Variants in RILPL1 observed in about 807,000 individuals in gnomAD.
RILPL1 encodes Rab interacting lysosomal protein like 1.
A neutral mutation model predicts 50.3 loss-of-function variants in RILPL1; 33 were observed. That is an observed-to-expected ratio of 0.66 (90% CI 0.50 to 0.88). The LOEUF (loss-of-function observed/expected upper bound fraction) is 0.88. Among genes scored for constraint, RILPL1 ranks in the 40% least tolerant of loss-of-function variants. RILPL1 has a pLI of 0.00. For synonymous variants in RILPL1, 205 were observed against 228.6 expected (o/e 0.90, Z 0.93); for missense variants, 418 against 542.5 (o/e 0.77, Z 2.28).
At chr12:123,511,476 TG>T (rs1329045439) in intron 2 of RILPL1, among the ~76,000 whole-genome samples, 1 of 120,546 alleles carries the variant, frequency 8.3e-6, no homozygotes, top group African/African-American at 3.6e-5. Context: ...TCTGTGTGTG[TG>T]GTGTGTGAGG....
At chr12:123,527,490 A>G (rs1283790761) in intron 1 of RILPL1, among the ~76,000 whole-genome samples, 2 of 152,142 alleles carry the variant, frequency 1.3e-5, no homozygotes, top group African/African-American at 2.4e-5. Context: ...TACAAAAATT[A>G]GCTGGGCATG....
At chr12:123,500,537 G>A (rs547472269) in intron 2 of RILPL1, among the ~76,000 whole-genome samples, 5 of 151,222 alleles carry the variant, frequency 3.3e-5, no homozygotes, top group Admixed American at 1.3e-4. Context: ...CGCCCACCTC[G>A]GCCTCCCGAA....
intron 4 of RILPL1, among the ~76,000 whole-genome samples, chr12:123,495,906 C>T (rs910906957): frequency 2.0e-5 from 3 of 151,972 alleles, no homozygotes; most frequent in African/African-American, 4.8e-5. Context: ...GTCTTGAACT[C>T]CTGAGCTCAG....
rs370909448 is a variant in RILPL1 at position 123,475,655 on chromosome 12, G to C, written c.1068-2973C>G. On this transcript the variant is annotated intron_variant, in intron 6 of 6. Coordinates refer to ENST00000376874, the MANE Select transcript of RILPL1 (RefSeq NM_178314.5). ...TCAAACAAAACCCAAAACACACACA[G>C]TGCCTACAAGGGAAACAAGTCGTCG... 2.6e-4 allele frequency: 408 copies of C among 1,570,002 alleles called. 4 individuals are homozygous for C. In the South Asian group the frequency reaches 4.1e-3, roughly 16 times the overall value.
At chr12:123,479,815 GC>G (rs1267442813) in intron 6 of RILPL1, among the ~76,000 whole-genome samples, 1 of 152,200 alleles carries the variant, frequency 6.6e-6, no homozygotes, top group African/African-American at 2.4e-5. Context: ...GCAACCAGAA[GC>G]CAACCTAAGT....
intron 6 of RILPL1, among the ~76,000 whole-genome samples, chr12:123,480,158 C>CTT (rs957649286): frequency 3.7e-4 from 43 of 117,004 alleles, no homozygotes; most frequent in East Asian, 3.2e-3. Context: ...AAGGCTGATT[C>CTT]TTTTTTTTTT....
intron 2 of RILPL1, among the ~76,000 whole-genome samples, chr12:123,511,605 G>C (rs1884218633): frequency 7.5e-6 from 1 of 132,956 alleles, no homozygotes; most frequent in South Asian, 2.7e-4. Flanking sequence ...TGTGTGTGTG[G>C]TGTGTGTGAG....
chr12:123,499,334 G>A, intron 3 of RILPL1, 84 bp downstream of exon 3: 1 of 883,348 alleles, frequency 1.1e-6, no homozygotes, highest in Non-Finnish European at 1.9e-6. Flanking sequence ...AGGGAGAGAA[G>A]GGGCCTGCTG....
chr12:123,515,286 CTTTTA>C (rs1445882728), intron 2 of RILPL1: 1 of 151,902 alleles, frequency 6.6e-6, no homozygotes, highest in Non-Finnish European at 1.5e-5. Context: ...AGCACAATTT[CTTTTA>C]TTTTGAAAAC....
intron 6 of RILPL1, among the ~76,000 whole-genome samples, chr12:123,477,483 C>T (rs1185733224): frequency 2.6e-5 from 4 of 151,886 alleles, no homozygotes; most frequent in African/African-American, 7.3e-5. Flanking sequence ...GGACTACAGG[C>T]GTGCACCACC....
At position 123,489,311 on chromosome 12, in the gene RILPL1, C is replaced by T. The variant is rs967110982; in HGVS notation, c.802-3506G>A. Among the ~76,000 whole-genome samples the T allele has an allele frequency of 7.9e-5, 12 of 152,134 alleles. No individual in the cohort carries two copies. Among genetic ancestry groups the T allele is most frequent in the African/African-American group, 2.9e-4 (12 of 41,426 alleles). On this transcript the variant is annotated intron_variant, in intron 4 of 6. Coordinates refer to ENST00000376874, the MANE Select transcript of RILPL1 (RefSeq NM_178314.5). This position sits in a 1 kb window ranked among gnomAD's most constrained non-coding sequence, Gnocchi z 4.0. Reference sequence around the variant, plus strand: ...CTGAGGCAGGCGGATCACCTGAAGTCAGGAGTTCGAGACCAGCCTGGACAA... The same window carrying T: ...CTGAGGCAGGCGGATCACCTGAAGTTAGGAGTTCGAGACCAGCCTGGACAA...
Position 123,485,642 on chromosome 12 carries a change from T to C in RILPL1, c.965A>G (p.Tyr322Cys). ...KVFLLQEELAYYKSEEMEEEN... is the reference protein window; with the variant it reads ...KVFLLQEELACYKSEEMEEEN... ...CCCCAGGGACACTTGCCTCTTATAG[T>C]AAGCCAGCTCCTCCTGCAGCAAGAA... The change falls in exon 5 of 7, where the codon TAC (tyrosine) becomes TGC (cysteine). Residue 322 changes from tyrosine to cysteine, a missense_variant. Physicochemically the swap from Tyr to Cys is radical, Grantham distance 194. Coordinates refer to ENST00000376874, the MANE Select transcript of RILPL1 (RefSeq NM_178314.5). The surrounding 1 kb of genome is among the most constrained non-coding windows in gnomAD (Gnocchi z 4.0). 2 of 1,613,666 alleles carry C rather than the reference T, an allele frequency of 1.2e-6. No individual in the cohort carries two copies. The highest frequency in any genetic ancestry group is 2.2e-5 in the South Asian group (2 of 91,052).
chr12:123,511,139 TGTGGTGTGTGTGA>T (rs1884138445), intron 2 of RILPL1, among the ~76,000 whole-genome samples: 1 of 135,776 alleles, frequency 7.4e-6, no homozygotes, highest in African/African-American at 2.8e-5. Context: ...TATGTGTGTG[TGTGGTGTGTGTGA>T]GGTCTGTGTG....
chr12:123,529,522 C>A (rs888547369), intron 1 of RILPL1, among the ~76,000 whole-genome samples: 1 of 152,046 alleles, frequency 6.6e-6, no homozygotes, highest in Non-Finnish European at 1.5e-5. Flanking sequence ...AGTGATCCAG[C>A]TGCCTCGGCC....
intron 6 of RILPL1, chr12:123,475,833 AAGG>A: frequency 2.6e-5 from 22 of 838,776 alleles, no homozygotes; most frequent in Non-Finnish European, 4.1e-5. Flanking sequence ...ACACCAGTGG[AAGG>A]GTTTGATTAG....
At chr12:123,472,895 C>T (rs981917038) in intron 6 of RILPL1, 9 of 545,108 alleles carry the variant, frequency 1.7e-5, no homozygotes, top group South Asian at 4.1e-5. Context: ...TTGGAGGTCA[C>T]GCGGTATGGG....
chr12:123,521,888 T>C (rs1885080896), intron 2 of RILPL1, among the ~76,000 whole-genome samples: 1 of 151,788 alleles, frequency 6.6e-6, no homozygotes, highest in Non-Finnish European at 1.5e-5. Flanking sequence ...ATCTCCTGCC[T>C]CAGCCTCCTG....
intron 4 of RILPL1, among the ~76,000 whole-genome samples, chr12:123,497,687 C>T (rs1883113351): frequency 6.6e-6 from 1 of 152,062 alleles, no homozygotes; most frequent in African/African-American, 2.4e-5. Flanking sequence ...CCACCATACC[C>T]AGCCCAAAAG....
At chr12:123,513,225 G>A (rs559051816) in intron 2 of RILPL1, 28 of 251,504 alleles carry the variant, frequency 1.1e-4, no homozygotes, top group African/African-American at 5.5e-4. Context: ...TGTGTGTGTC[G>A]TGTGTGTTTG....
Sources: allele counts gnomAD v4.1 joint callset (sites outside exome capture counted in the v4.1 genomes callset), GRCh38; gene constraint gnomAD v4.1.1; non-coding constraint Gnocchi (gnomAD v3.1); transcripts MANE v1.5; gene names NCBI Gene and HGNC (gene_info 2026-07-23, HGNC 2026-07-21).